The following EXTL3 variants were observed in gnomAD, a reference collection of about 807,000 sequenced individuals.
EXTL3 encodes the protein exostosin-like 3.
EXTL3 carries 27 observed loss-of-function variants against 69.3 expected under a neutral mutation model. The observed-to-expected ratio is 0.39, with a 90% CI of 0.29 to 0.54. The LOEUF is 0.54. Among genes scored for constraint, EXTL3 ranks in the 20% least tolerant of loss-of-function variants. EXTL3 has a pLI of 0.69. For missense variants in EXTL3, 1,003 were observed against 1,231.8 expected, an observed-to-expected ratio of 0.81 and a Z score of 2.78; for synonymous variants, 511 against 499.4, an observed-to-expected ratio of 1.02 and a Z score of -0.31.
intron 3 of EXTL3, among the ~76,000 whole-genome samples, chr8:28,718,704 A>G (rs1172967120): frequency 6.6e-6 from 1 of 152,238 alleles, no homozygotes; most frequent in Non-Finnish European, 1.5e-5. Context: ...CAGAAGCGGC[A>G]GCTTTAGTCA....
chr8:28,675,515 A>G (rs73235003), intron 1 of EXTL3, among the ~76,000 whole-genome samples: 26,256 of 152,154 alleles, frequency 0.17, 2,485 homozygotes, highest in Middle Eastern at 0.25. Context: ...ACACTCTTCT[A>G]TCTAATAAAA....
At chr8:28,689,461 T>A (rs762847258) in intron 1 of EXTL3, among the ~76,000 whole-genome samples, 2 of 152,222 alleles carry the variant, frequency 1.3e-5, no homozygotes, top group Non-Finnish European at 2.9e-5. Context: ...ACTAGCTGTC[T>A]CTTTGCTTCA....
At position 28,717,379 on chromosome 8, in the gene EXTL3, C is replaced by A; in HGVS notation, c.1320C>A (p.Arg440=). The change falls in exon 3 of 7, where the codon CGC becomes CGA. Residue 440 remains arginine, a synonymous_variant. Transcript: ENST00000220562. This position sits in a 1 kb window ranked among gnomAD's most constrained non-coding sequence, Gnocchi z 8.3. ...TCATCATTACCCCCGGGGACCCTCG[C>A]TTGGTTATTTCCTCTGGGTGTGCAA... ...FALIITPGDP[R]LVISSGCATR... 1 of 1,614,186 alleles carries A rather than the reference C, an allele frequency of 6.2e-7. No homozygotes were observed. Among genetic ancestry groups the A allele is most frequent in the Non-Finnish European group, 8.5e-7 (1 of 1,180,040 alleles).
chr8:28,745,378 G>T (rs1801869018), intron 6 of EXTL3, among the ~76,000 whole-genome samples: 1 of 152,176 alleles, frequency 6.6e-6, no homozygotes, highest in Admixed American at 6.5e-5. Flanking sequence ...CACAAGAGAA[G>T]AATAATTAGC....
intron 1 of EXTL3, among the ~76,000 whole-genome samples, chr8:28,675,952 G>A (rs1375615043): frequency 6.6e-6 from 1 of 151,230 alleles, no homozygotes; most frequent in Non-Finnish European, 1.5e-5. Context: ...AACCTGGGAG[G>A]CGGAGGTTGC....
chr8:28,707,979 TAATATC>T (rs1374615991), intron 1 of EXTL3, among the ~76,000 whole-genome samples: 1 of 152,250 alleles, frequency 6.6e-6, no homozygotes, highest in Admixed American at 6.5e-5. Flanking sequence ...TTTTCCTTGT[TAATATC>T]TATATATTCA....
rs1474112962 is a variant in EXTL3 at position 28,750,251 on chromosome 8, C to A, written c.2551-406C>A. On this transcript the variant is annotated intron_variant, in intron 6 of 6. Transcript: ENST00000220562. This position sits in a 1 kb window ranked among gnomAD's most constrained non-coding sequence, Gnocchi z 5.2. ...AGAATGATAGCCCCTCTTTGACTAG[C>A]CCCTCTTTGGGTAGTCTTCAATACC... 1.3e-5 allele frequency among the ~76,000 whole-genome samples: 2 copies of A among 152,136 alleles called. No homozygotes were observed. The highest frequency in any genetic ancestry group is 4.8e-5 in the African/African-American group (2 of 41,420).
At chr8:28,612,890 T>G (rs1018189715) in intron 2 of EXTL3, among the ~76,000 whole-genome samples, 61 of 152,274 alleles carry the variant, frequency 4.0e-4, no homozygotes, top group African/African-American at 1.4e-3. Flanking sequence ...GGCTAATTTT[T>G]AAGTTTTTTG....
chr8:28,653,504 C>T (rs961469597), intron 1 of EXTL3, among the ~76,000 whole-genome samples: 3 of 152,100 alleles, frequency 2.0e-5, no homozygotes, highest in Non-Finnish European at 2.9e-5. Context: ...TATAGTTCTG[C>T]CTCTTAAATT....
chr8:28,674,189 C>T (rs1370183904), intron 1 of EXTL3, among the ~76,000 whole-genome samples: 15 of 152,166 alleles, frequency 9.9e-5, no homozygotes, highest in Admixed American at 9.2e-4. Context: ...AAGTGATCCT[C>T]CCACATCAGC....
chr8:28,667,888 T>C (rs1807221420), intron 1 of EXTL3, among the ~76,000 whole-genome samples: 1 of 151,866 alleles, frequency 6.6e-6, no homozygotes, highest in Admixed American at 6.6e-5. Flanking sequence ...TTTTCTTCCC[T>C]TGGCTGGGCG....
chr8:28,611,607 T>G (rs1055638918), intron 2 of EXTL3, among the ~76,000 whole-genome samples: 1 of 152,210 alleles, frequency 6.6e-6, no homozygotes, highest in African/African-American at 2.4e-5. Context: ...CTCCATGCTT[T>G]CACAGCGAGA....
intron 1 of EXTL3, among the ~76,000 whole-genome samples, chr8:28,652,399 GTAAACCCAGCATTTT>G (rs1205361250): frequency 2.0e-5 from 3 of 152,072 alleles, no homozygotes; most frequent in East Asian, 3.9e-4. Flanking sequence ...GCTCATGCCT[GTAAACCCAGCATTTT>G]TGGAGGCCAA....
chr8:28,669,731 G>T (rs1044170658), intron 1 of EXTL3, among the ~76,000 whole-genome samples: 1 of 152,162 alleles, frequency 6.6e-6, no homozygotes, highest in African/African-American at 2.4e-5. Context: ...CTGATATTAA[G>T]CAAGAAAAAT....
intron 3 of EXTL3, among the ~76,000 whole-genome samples, chr8:28,726,250 G>C (rs932318075): frequency 6.6e-6 from 1 of 152,122 alleles, no homozygotes; most frequent in African/African-American, 2.4e-5. Context: ...CACTGCGCCC[G>C]GCCTGCATTT....
rs545230204 is a variant in EXTL3 at position 28,611,087 on chromosome 8, T to C, written n.314+3329T>C. On this transcript the variant is annotated intron_variant and non_coding_transcript_variant, in intron 2 of 4. Transcript: ENST00000522725. ...TACTGTATTACCTCTCCTTGCTGCA[T>C]GTGCTTGGGCCAGATGTTTAGTTCC... Among the ~76,000 whole-genome samples the C allele has an allele frequency of 1.2e-3, 184 of 152,304 alleles. 8 individuals are homozygous for C. In the Middle Eastern group the frequency reaches 0.017, roughly 14 times the overall value.
At chr8:28,736,543 C>T (rs1801655718) in intron 4 of EXTL3, among the ~76,000 whole-genome samples, 1 of 152,196 alleles carries the variant, frequency 6.6e-6, no homozygotes, top group African/African-American at 2.4e-5. Context: ...TTTATTTCTT[C>T]CATTTAATGA....
chr8:28,656,253 T>TC (rs901627271), intron 1 of EXTL3, among the ~76,000 whole-genome samples: 3 of 151,996 alleles, frequency 2.0e-5, no homozygotes, highest in Non-Finnish European at 4.4e-5. Context: ...CGCTGCAGCC[T>TC]CTGCCTCCTG....
chr8:28,729,292 C>CAA lies in EXTL3; in HGVS notation c.2149-1911_2149-1910dup, dbSNP rs72487306. 6.6e-3 allele frequency among the ~76,000 whole-genome samples: 492 copies of CAA among 74,022 alleles called. 32 individuals are homozygous for CAA. Among genetic ancestry groups the CAA allele is most frequent in the African/African-American group, 0.027 (458 of 17,074 alleles). The allele number at this position is 74,022 out of a possible 152,430, so 48.6% of individuals were successfully genotyped here. On this transcript the variant is annotated intron_variant, in intron 3 of 6. Coordinates refer to ENST00000220562, the MANE Select transcript of EXTL3 (RefSeq NM_001440.4). ...TCTGGGCCACAGTGAGACTCTATCT[C>CAA]AAAAAAAAAAAAAAAAAAAAATGTC...
Sources: gnomAD v4.1 joint callset for allele counts (sites outside exome capture counted in the v4.1 genomes callset) on GRCh38, gnomAD v4.1.1 for gene constraint, Gnocchi (gnomAD v3.1) non-coding constraint, MANE v1.5 for transcripts, NCBI Gene and HGNC (gene_info 2026-07-23, HGNC 2026-07-21) for gene names.